CHN2: variants seen among roughly 807,000 people sequenced by gnomAD.
CHN2 encodes chimerin 2.
In CHN2, 35 loss-of-function variants were observed where a neutral mutation model predicts 56.3. That is an observed-to-expected ratio of 0.62 (90% CI 0.47 to 0.82). The LOEUF is 0.82. Ranked by LOEUF, CHN2 falls within the 40% of genes least tolerant of loss-of-function variation. CHN2 has a pLI of 0.00. For synonymous variants in CHN2, 210 were observed against 212.8 expected, an observed-to-expected ratio of 0.99 and a Z score of 0.12; for missense variants, 491 against 580.5, an observed-to-expected ratio of 0.85 and a Z score of 1.58.
intron 1 of CHN2, among the ~76,000 whole-genome samples, chr7:29,281,267 T>C (rs1791692270): frequency 6.9e-6 from 1 of 144,404 alleles, no homozygotes; most frequent in African/African-American, 2.4e-5. Flanking sequence ...TCTTCTTTTT[T>C]CCTCTTTTTT....
chr7:29,160,250 T>C (rs2128708329), intron 2 of CHN2, among the ~76,000 whole-genome samples: 1 of 152,196 alleles, frequency 6.6e-6, no homozygotes, highest in East Asian at 1.9e-4. Flanking sequence ...TGCCAGATGT[T>C]CACGGTGACA....
intron 2 of CHN2, among the ~76,000 whole-genome samples, chr7:29,175,738 C>A (rs186021257): frequency 1.3e-5 from 2 of 151,470 alleles, no homozygotes; most frequent in Non-Finnish European, 2.9e-5. Context: ...GTTACCCAAG[C>A]GGAGCACAGG....
At chr7:29,301,987 T>A (rs116769993) in intron 1 of CHN2, among the ~76,000 whole-genome samples, 2,211 of 152,216 alleles carry the variant, frequency 0.015, 55 homozygotes, top group African/African-American at 0.05. Context: ...GGCACTGAAA[T>A]TTGTGAGATG....
At chr7:29,511,996 C>T (rs778022819) in intron 12 of CHN2, among the ~76,000 whole-genome samples, 3 of 151,982 alleles carry the variant, frequency 2.0e-5, no homozygotes, top group South Asian at 2.1e-4. Context: ...GTCCAACTGC[C>T]GTCCAGTCTG....
At chr7:29,419,990 G>T (rs927404729) in intron 6 of CHN2, among the ~76,000 whole-genome samples, 4 of 151,110 alleles carry the variant, frequency 2.6e-5, no homozygotes, top group African/African-American at 9.7e-5. Context: ...AACCCAGGAG[G>T]CAGAGGTTGC....
chr7:29,246,801 C>T (rs1159939848), intron 1 of CHN2, among the ~76,000 whole-genome samples: 2 of 152,156 alleles, frequency 1.3e-5, no homozygotes, highest in South Asian at 2.1e-4. Flanking sequence ...TCACTGTGCC[C>T]GCACATGGTG....
chr7:29,491,866 T>A (rs1251860990), intron 7 of CHN2, among the ~76,000 whole-genome samples: 2 of 152,164 alleles, frequency 1.3e-5, no homozygotes, highest in African/African-American at 4.8e-5. Context: ...CCTTCAAACT[T>A]CCATGTCATT....
intron 1 of CHN2, among the ~76,000 whole-genome samples, chr7:29,322,565 T>G (rs1795445243): frequency 6.6e-6 from 1 of 152,208 alleles, no homozygotes; most frequent in South Asian, 2.1e-4. Flanking sequence ...TGCCCTGAGC[T>G]CCATAGATGA....
intron 6 of CHN2, among the ~76,000 whole-genome samples, chr7:29,404,847 G>A (rs1002270831): frequency 9.9e-5 from 15 of 152,036 alleles, no homozygotes; most frequent in African/African-American, 3.1e-4. Flanking sequence ...TTACAGGTAC[G>A]AGCCACCGCA....
At chr7:29,511,258 T>G (rs1791345954) in intron 12 of CHN2, among the ~76,000 whole-genome samples, 1 of 152,136 alleles carries the variant, frequency 6.6e-6, no homozygotes, top group Admixed American at 6.5e-5. Context: ...ATGGTAACAT[T>G]TAGCTCAGAA....
chr7:29,433,841 CAA>C (rs1198304327), intron 6 of CHN2, among the ~76,000 whole-genome samples: 1 of 80,462 alleles, frequency 1.2e-5, no homozygotes. Context: ...TCCATCTAAA[CAA>C]AAAAAAAAAG....
intron 1 of CHN2, chr7:29,292,917 C>T: frequency 2.2e-6 from 1 of 456,310 alleles, no homozygotes; most frequent in Non-Finnish European, 4.4e-6. Context: ...ACTCTTGCCT[C>T]TCTTCAGTCT....
intron 6 of CHN2, among the ~76,000 whole-genome samples, chr7:29,465,510 A>G (rs549750574): frequency 1.3e-5 from 2 of 152,288 alleles, no homozygotes; most frequent in Non-Finnish European, 2.9e-5. Flanking sequence ...CACATCTCAC[A>G]TTGAGGAAAT....
intron 2 of CHN2, among the ~76,000 whole-genome samples, chr7:29,172,403 C>G (rs1255860333): frequency 6.6e-6 from 1 of 152,156 alleles, no homozygotes; most frequent in Non-Finnish European, 1.5e-5. Context: ...CTAAAGTTTT[C>G]TTAATATGCT....
In CHN2 at chr7:29,353,182, G is replaced by A. The variant is rs563727077; in HGVS notation, c.50-1443G>A. 5.9e-5 allele frequency among the ~76,000 whole-genome samples: 9 copies of A among 152,300 alleles called. No homozygotes were observed. The South Asian group carries it at 1.9e-3, about 32-fold the overall frequency. On this transcript the variant is annotated intron_variant, in intron 1 of 12. Transcript: ENST00000222792. ...TGGGAGGCATTTAGTTGAGCACTGT[G>A]ATACAGTGGGCCCCAGAGAGCAAGG...
rs145386997 is a variant in CHN2, at chr7:29,326,346, C to T, written c.50-28279C>T. On this transcript the variant is annotated intron_variant, in intron 1 of 12. Coordinates refer to ENST00000222792, the MANE Select transcript of CHN2 (RefSeq NM_004067.4). ...CTAATTTTTGTATTTTTAGTAGAGA[C>T]GGGATTTCACCATGTGGGCCAGGCT... Among the ~76,000 whole-genome samples the T allele has an allele frequency of 3.1e-3, 470 of 152,178 alleles. 1 individual carries two copies. Among genetic ancestry groups the T allele is most frequent in the African/African-American group, 0.011 (443 of 41,534 alleles).
At chr7:29,270,200 T>C (rs1169192177) in intron 1 of CHN2, among the ~76,000 whole-genome samples, 1 of 152,158 alleles carries the variant, frequency 6.6e-6, no homozygotes, top group Non-Finnish European at 1.5e-5. Flanking sequence ...TATTTTATCT[T>C]CATGATAACC....
chr7:29,292,775 C>T, intron 1 of CHN2: 1 of 401,882 alleles, frequency 2.5e-6, no homozygotes, highest in South Asian at 1.8e-5. Context: ...TTCATTGACT[C>T]TTCCACCTTT....
At chr7:29,230,560 C>T (rs1786597714) in intron 1 of CHN2, among the ~76,000 whole-genome samples, 2 of 152,254 alleles carry the variant, frequency 1.3e-5, no homozygotes, top group Admixed American at 6.5e-5. Flanking sequence ...AGGCTGGTCT[C>T]GAACTCTTGT....
Sources: gnomAD v4.1 joint callset for allele counts (sites outside exome capture counted in the v4.1 genomes callset) on GRCh38, gnomAD v4.1.1 for gene constraint, MANE v1.5 for transcripts, NCBI Gene and HGNC (gene_info 2026-07-23, HGNC 2026-07-21) for gene names.